The following PXMP2 variants were observed in gnomAD, a reference collection of about 807,000 sequenced individuals.
PXMP2 encodes 22 kDa peroxisomal membrane protein.
In PXMP2, 13 loss-of-function variants were observed where a neutral mutation model predicts 20.2. The ratio of observed to expected loss-of-function variants is 0.64; its 90% confidence interval spans 0.42 to 1.02. The LOEUF (loss-of-function observed/expected upper bound fraction) is 1.02, where lower values mean the gene tolerates loss of function less well. Ranked by LOEUF, PXMP2 falls within the 50% of genes least tolerant of loss-of-function variation. The pLI, the probability that PXMP2 is intolerant of heterozygous loss-of-function variation, is 0.00. For missense variants in PXMP2, 284 were observed against 251.8 expected, an observed-to-expected ratio of 1.13 and a Z score of -0.87; for synonymous variants, 113 against 111.2, an observed-to-expected ratio of 1.02 and a Z score of -0.10.
rs1384162707 is a variant in PXMP2, at chr12:132,696,947, T to C, written c.399+901T>C. Among the ~76,000 whole-genome samples the C allele has an allele frequency of 6.7e-6, 1 of 148,688 alleles. No individual in the cohort carries two copies. The highest frequency in any genetic ancestry group is 1.5e-5 in the Non-Finnish European group (1 of 67,096). On this transcript the variant is annotated intron_variant, in intron 3 of 4. Transcript: ENST00000317479. The surrounding 1 kb of genome is among the most constrained non-coding windows in gnomAD (Gnocchi z 4.4). Reference sequence around the variant, plus strand: ...CTGAGATTGTGCCACTGCACTCCAGTCTGGGCAACAGAGCAAGACTCTGCC... The same window carrying C: ...CTGAGATTGTGCCACTGCACTCCAGCCTGGGCAACAGAGCAAGACTCTGCC...
chr12:132,704,770 C>T lies in PXMP2; in HGVS notation c.*83C>T, dbSNP rs776819757. The T allele has an allele frequency of 1.1e-5, 14 of 1,293,206 alleles. No individual in the cohort carries two copies. The African/African-American group carries it at 1.8e-4, about 16-fold the overall frequency. 80.1% of individuals were successfully genotyped at this position (1,293,206 alleles called of 1,614,324 possible). A position where few individuals can be genotyped will look rare whatever the true frequency, so the allele number is the denominator to read the frequency against. On this transcript the variant is annotated 3_prime_UTR_variant, in exon 5 of 5. Transcript: ENST00000317479. ...CCAGCGAGAGCAGAACCAATCCAGT[C>T]AGGATGTCACTGACTCTAAATCAGG...
rs2043439315 is a variant in PXMP2, at chr12:132,701,286, G to C, written c.436G>C (p.Gly146Arg). The change falls in exon 4 of 5, where the codon GGG (glycine) becomes CGG (arginine). Residue 146 changes from glycine (G) to arginine (R), a missense_variant. Coordinates refer to ENST00000317479, the MANE Select transcript of PXMP2 (RefSeq NM_018663.3). ...CTCAGCCTTCGCCGCCAAGATGAGG[G>C]GGGGCTTCTGGCCGGCGCTGAGGAT... ...DASAFAAKMR[G>R]GFWPALRMNW... 2 of 1,612,972 alleles carry C rather than the reference G, an allele frequency of 1.2e-6. No individual in the cohort carries two copies. Among genetic ancestry groups the C allele is most frequent in the Non-Finnish European group, 1.7e-6 (2 of 1,179,678 alleles).
chr12:132,691,343 T>C lies in PXMP2; in HGVS notation c.236+967T>C, dbSNP rs140164616. On this transcript the variant is annotated intron_variant, in intron 2 of 4. Coordinates refer to ENST00000317479, the MANE Select transcript of PXMP2 (RefSeq NM_018663.3). Reference sequence around the variant, plus strand: ...GATTACAGGCGCGAGCCACAGTGCCTGGCCTCTATTGTTATTTTCATAGTG... The same window carrying C: ...GATTACAGGCGCGAGCCACAGTGCCCGGCCTCTATTGTTATTTTCATAGTG... Among the ~76,000 whole-genome samples the C allele has an allele frequency of 2.6e-5, 4 of 152,304 alleles. No individual in the cohort carries two copies. The East Asian group carries it at 7.7e-4, about 29-fold the overall frequency.
At position 132,696,037 on chromosome 12, in the gene PXMP2, C is replaced by T; in HGVS notation, c.390C>T (p.Asn130=). Residue 130 remains asparagine (N), a synonymous_variant, in exon 3 of 5, where the codon AAC becomes AAT. Coordinates refer to ENST00000317479, the MANE Select transcript of PXMP2 (RefSeq NM_018663.3). The surrounding 1 kb of genome is among the most constrained non-coding windows in gnomAD (Gnocchi z 4.4). ...TCATGTTGTTCTTCCTCATCATGAA[C>T]TTTCTGGAGGTGGGTGTCTGCCACA... The part of the protein sequence containing the change: ...AFLMLFFLIM[N]FLEGKDASAF... 6.2e-7 allele frequency: 1 copy of T among 1,605,796 alleles called. No homozygotes were observed. The highest frequency in any genetic ancestry group is 8.5e-7 in the Non-Finnish European group (1 of 1,175,554).
chr12:132,702,459 G>A, intron 4 of PXMP2: 1 of 403,964 alleles, frequency 2.5e-6, no homozygotes, highest in Non-Finnish European at 5.0e-6. Context: ...CCCACACTGG[G>A]AGGATGGGGT....
chr12:132,704,420 G>A (rs75579677), intron 4 of PXMP2, among the ~76,000 whole-genome samples, 199 bp from the exon 5 acceptor site: 5,771 of 152,154 alleles, frequency 0.038, 348 homozygotes, highest in African/African-American at 0.13. Flanking sequence ...CTAGGGGACC[G>A]TTTTTCTTCT....
chr12:132,703,506 G>A (rs1338744947), intron 4 of PXMP2, among the ~76,000 whole-genome samples: 1 of 152,174 alleles, frequency 6.6e-6, no homozygotes, highest in African/African-American at 2.4e-5. Flanking sequence ...CAGAGGCCCT[G>A]CCCTCTGTGA....
intron 4 of PXMP2, 105 bp from the exon 5 acceptor site, chr12:132,704,514 C>T (rs928858485): frequency 1.1e-6 from 1 of 880,048 alleles, no homozygotes; most frequent in Middle Eastern, 3.8e-4. Flanking sequence ...GTGGTTGGAC[C>T]AGCTGACCAA....
At chr12:132,700,516 A>G (rs2043433253) in intron 3 of PXMP2, among the ~76,000 whole-genome samples, 1 of 151,970 alleles carries the variant, frequency 6.6e-6, no homozygotes, top group Admixed American at 6.6e-5. Context: ...CACTTTTTTA[A>G]TGAGGTTATT....
rs1292830973 is a variant in PXMP2, at chr12:132,693,043, TTAGA to T, written c.236+2671_236+2674del. On this transcript the variant is annotated intron_variant, in intron 2 of 4. Transcript: ENST00000317479. ...TAGTTAAGTGAGCGCCCTTAGCCAGTTAGATAGTGAGCGCCCTTAGCCAGTTAGT... is the reference window on the plus strand; with the variant it reads ...TAGTTAAGTGAGCGCCCTTAGCCAGTTAGTGAGCGCCCTTAGCCAGTTAGT... Among the ~76,000 whole-genome samples, 387 of 55,980 alleles carry T rather than the reference TTAGA, an allele frequency of 6.9e-3. 22 individuals are homozygous for T. Among genetic ancestry groups the T allele is most frequent in the African/African-American group, 0.022 (356 of 16,142 alleles). The allele number at this position is 55,980 out of a possible 152,430, so 36.7% of individuals were successfully genotyped here.
intron 2 of PXMP2, 71 bp from the exon 3 acceptor site, chr12:132,695,813 G>A: frequency 6.8e-7 from 1 of 1,479,048 alleles, no homozygotes; most frequent in Non-Finnish European, 9.1e-7. Context: ...TGGGATTTGG[G>A]GGTGAAGCTA....
rs905576247 is a variant in PXMP2 at position 132,704,953 on chromosome 12, G to A, written c.*266G>A. 1.3e-5 allele frequency: 7 copies of A among 541,970 alleles called. No individual in the cohort carries two copies. The highest frequency in any genetic ancestry group is 1.6e-5 in the Non-Finnish European group (5 of 304,778). The allele number at this position is 541,970 out of a possible 1,614,324, so 33.6% of individuals were successfully genotyped here. A position where few individuals can be genotyped will look rare whatever the true frequency, so the allele number is the denominator to read the frequency against. ...TCAATTGTTACTGTGGACCGAATTA[G>A]GATCACAATAAACGATAATGCAGGT... On this transcript the variant is annotated 3_prime_UTR_variant, in exon 5 of 5. Coordinates refer to ENST00000317479, the MANE Select transcript of PXMP2 (RefSeq NM_018663.3).
Position 132,701,417 on chromosome 12 carries a change from T to TTTCC in PXMP2, c.519+66_519+69dup, listed in dbSNP as rs549705164. The TTTCC allele has an allele frequency of 7.3e-5, 116 of 1,585,854 alleles. 1 individual carries two copies. The highest frequency in any genetic ancestry group is 3.5e-4 in the African/African-American group (26 of 74,272). On this transcript the variant is annotated intron_variant, in intron 4 of 4. Coordinates refer to ENST00000317479, the MANE Select transcript of PXMP2 (RefSeq NM_018663.3). ...TCTGCTAACATTACTTTGTCAGCCT[T>TTTCC]TTCCTTCCTTCCTTCCTTCCTCTTT...
At position 132,704,860 on chromosome 12, in the gene PXMP2, T is replaced by C. The variant is rs1360288865; in HGVS notation, c.*173T>C. 2 of 699,876 alleles carry C rather than the reference T, an allele frequency of 2.9e-6. No homozygotes were observed. Among genetic ancestry groups the C allele is most frequent in the Non-Finnish European group, 5.0e-6 (2 of 403,834 alleles). The allele number at this position is 699,876 out of a possible 1,614,324, so 43.4% of individuals were successfully genotyped here. A position where few individuals can be genotyped will look rare whatever the true frequency, so the allele number is the denominator to read the frequency against. On this transcript the variant is annotated 3_prime_UTR_variant, in exon 5 of 5. Transcript: ENST00000317479. ...AATCTCTGAATGTCAGAACCCTGTC[T>C]TTTAAAAAGGCAGTCGCTGCCTTCA...
At chr12:132,695,218 G>A (rs2043403869) in intron 2 of PXMP2, among the ~76,000 whole-genome samples, 1 of 150,804 alleles carries the variant, frequency 6.6e-6, no homozygotes, top group Admixed American at 6.6e-5. Context: ...TAGCCAGTTA[G>A]TGCCCTTGCC....
chr12:132,702,956 A>C (rs150194070), intron 4 of PXMP2, among the ~76,000 whole-genome samples: 1 of 152,360 alleles, frequency 6.6e-6, no homozygotes, highest in East Asian at 1.9e-4. Context: ...GCACACAGAC[A>C]GGACAAAGAG....
intron 3 of PXMP2, among the ~76,000 whole-genome samples, chr12:132,701,034 A>G (rs2043436747): frequency 6.6e-6 from 1 of 152,172 alleles, no homozygotes; most frequent in African/African-American, 2.4e-5. Flanking sequence ...CACTGCCAGC[A>G]TGAGCAGGCT....
At chr12:132,703,905 C>T (rs1003375325) in intron 4 of PXMP2, among the ~76,000 whole-genome samples, 3 of 152,044 alleles carry the variant, frequency 2.0e-5, no homozygotes, top group African/African-American at 7.3e-5. Context: ...ACAGACTGGC[C>T]GGGAACACGG....
chr12:132,693,749 C>G (rs1364247637), intron 2 of PXMP2, among the ~76,000 whole-genome samples: 2 of 131,558 alleles, frequency 1.5e-5, no homozygotes, highest in East Asian at 4.6e-4. Context: ...AGTTAGTGAG[C>G]TCCCTTAGCC....
Sources: allele counts gnomAD v4.1 joint callset (sites outside exome capture counted in the v4.1 genomes callset), GRCh38; gene constraint gnomAD v4.1.1; non-coding constraint Gnocchi (gnomAD v3.1); transcripts MANE v1.5; gene names NCBI Gene and HGNC (gene_info 2026-07-23, HGNC 2026-07-21).